ZSCAN4: variants seen among roughly 807,000 people sequenced by gnomAD.
ZSCAN4 encodes zinc finger and SCAN domain containing 4.
Under a neutral mutation model 18.3 loss-of-function variants are expected in ZSCAN4, and 18 were observed. The observed-to-expected ratio is 0.98, with a 90% CI of 0.68 to 1.46. ZSCAN4 has a LOEUF of 1.46. ZSCAN4 is among the 40% of genes most tolerant of loss of function. The probability of loss-of-function intolerance (pLI) is 0.00; values close to 1 mark genes in which losing one functional copy is unlikely to be tolerated. For missense variants in ZSCAN4, 498 were observed against 511.4 expected, an observed-to-expected ratio of 0.97 and a Z score of 0.25; for synonymous variants, 193 against 180.3, an observed-to-expected ratio of 1.07 and a Z score of -0.57.
the ZSCAN4 span, among the ~76,000 whole-genome samples, chr19:57,659,246 C>T: frequency 6.6e-6 from 1 of 152,102 alleles, no homozygotes; most frequent in Non-Finnish European, 1.5e-5. Context: ...CACTATCAGC[C>T]GAATAACATG....
At chr19:57,657,589 C>A in the ZSCAN4 span, among the ~76,000 whole-genome samples, 1 of 152,192 alleles carries the variant, frequency 6.6e-6, no homozygotes, top group Non-Finnish European at 1.5e-5. Context: ...GTCCACTTAT[C>A]ATTTGATAAA....
chr19:57,661,052 C>T, the ZSCAN4 span, among the ~76,000 whole-genome samples: 1 of 152,148 alleles, frequency 6.6e-6, no homozygotes, highest in Non-Finnish European at 1.5e-5. Context: ...CATTTTGTTA[C>T]TTAAATTCAT....
chr19:57,660,445 G>A, the ZSCAN4 span, among the ~76,000 whole-genome samples: 1 of 152,182 alleles, frequency 6.6e-6, no homozygotes, highest in African/African-American at 2.4e-5. Context: ...AGCAGGTTGT[G>A]CAAACTGGAA....
intron 1 of ZSCAN4, among the ~76,000 whole-genome samples, chr19:57,669,668 G>A (rs1028232960): frequency 2.0e-5 from 3 of 149,072 alleles, no homozygotes; most frequent in South Asian, 2.1e-4. Flanking sequence ...CTCGTGATCC[G>A]CCCACCTCGG....
upstream of ZSCAN4, among the ~76,000 whole-genome samples, chr19:57,664,122 C>A (rs146586143): frequency 6.0e-3 from 900 of 150,652 alleles, 9 homozygotes; most frequent in African/African-American, 0.02. Context: ...CAGAGAGAGT[C>A]TCCGTCAAAA....
At chr19:57,665,833 A>G (rs1983836500), upstream of ZSCAN4, among the ~76,000 whole-genome samples, 1 of 151,914 alleles carries the variant, frequency 6.6e-6, no homozygotes, top group South Asian at 2.1e-4. Context: ...AATTGCTTGA[A>G]CCCGGGAGGT....
chr19:57,665,776 G>A (rs940332524), upstream of ZSCAN4, among the ~76,000 whole-genome samples: 18 of 152,170 alleles, frequency 1.2e-4, no homozygotes, highest in African/African-American at 4.1e-4. Flanking sequence ...AATAAGCTGG[G>A]CAGCCCACGT....
chr19:57,674,574 TAG>T (rs1984120559), intron 2 of ZSCAN4, among the ~76,000 whole-genome samples: 2 of 152,046 alleles, frequency 1.3e-5, no homozygotes, highest in Non-Finnish European at 2.9e-5. Context: ...CAACCACTGG[TAG>T]ACTCTTAGGT....
chr19:57,653,491 G>A, the ZSCAN4 span, among the ~76,000 whole-genome samples: 1 of 151,912 alleles, frequency 6.6e-6, no homozygotes, highest in Non-Finnish European at 1.5e-5. Flanking sequence ...GGCCAACAAG[G>A]GCAGAATCTA....
chr19:57,678,947 G>A (rs1179048614), exon 5 of ZSCAN4: 1 of 1,517,180 alleles, frequency 6.6e-7, no homozygotes, highest in Non-Finnish European at 8.8e-7. Context: ...ATGCAAGTAT[G>A]TATATTCCTA....
chr19:57,665,315 A>G (rs534768708), upstream of ZSCAN4, among the ~76,000 whole-genome samples: 1 of 152,236 alleles, frequency 6.6e-6, no homozygotes, highest in Admixed American at 6.5e-5. Context: ...CCTGGAGTGT[A>G]TCTACTTGGC....
the ZSCAN4 span, among the ~76,000 whole-genome samples, chr19:57,660,630 T>C: frequency 0.17 from 26,285 of 152,104 alleles, 2,347 homozygotes; most frequent in East Asian, 0.27. Flanking sequence ...GCTTAAAAAT[T>C]CCTAAGTATC....
chr19:57,678,902 C>A, exon 5 of ZSCAN4: 1 of 1,587,088 alleles, frequency 6.3e-7, no homozygotes, highest in Non-Finnish European at 8.6e-7. Flanking sequence ...CAGAAGCTTC[C>A]TAAGCTGCTG....
exon 4 of ZSCAN4, chr19:57,678,028 A>T: frequency 1.3e-6 from 2 of 1,597,284 alleles, no homozygotes; most frequent in Non-Finnish European, 1.7e-6. Flanking sequence ...AGAAGCAAAC[A>T]TGGGGACACC....
chr19:57,669,120 G>A (rs922837150), exon 1 of ZSCAN4: 3 of 148,104 alleles, frequency 2.0e-5, no homozygotes, highest in Admixed American at 6.8e-5. Context: ...GAGTGCCGTG[G>A]CGTAATCTCG....
chr19:57,670,711 A>G (rs1983992322), intron 2 of ZSCAN4, 144 bp downstream of exon 2: 1 of 152,266 alleles, frequency 6.6e-6, no homozygotes, highest in Admixed American at 6.5e-5. Flanking sequence ...ATTCCTAACT[A>G]CAGAGATATG....
intron 2 of ZSCAN4, among the ~76,000 whole-genome samples, chr19:57,674,956 GTTT>G (rs11303340): frequency 1.6e-5 from 2 of 128,562 alleles, no homozygotes; most frequent in Non-Finnish European, 3.2e-5. Context: ...TTCACATCAA[GTTT>G]TTTTTTTTTT....
chr19:57,676,511 G>C, exon 3 of ZSCAN4: 2 of 1,613,944 alleles, frequency 1.2e-6, no homozygotes, highest in Non-Finnish European at 1.7e-6. Flanking sequence ...TAGAAGACCT[G>C]ACTGATGACA....
At chr19:57,674,943 T>C (rs1854198773) in intron 2 of ZSCAN4, among the ~76,000 whole-genome samples, 2 of 149,182 alleles carry the variant, frequency 1.3e-5, no homozygotes, top group Non-Finnish European at 3.0e-5. Context: ...TTATAAAATA[T>C]TTTTCACATC....
Sources: gnomAD v4.1 joint callset for allele counts (sites outside exome capture counted in the v4.1 genomes callset) on GRCh38, gnomAD v4.1.1 for gene constraint, MANE v1.5 for transcripts, NCBI Gene and HGNC (gene_info 2026-07-23, HGNC 2026-07-21) for gene names.